Variants in SCRN3 observed in about 807,000 individuals in gnomAD.
SCRN3 encodes the protein secernin 3.
SCRN3 carries 39 observed loss-of-function variants against 43.1 expected under a neutral mutation model. That is an observed-to-expected ratio of 0.91 (90% confidence interval 0.70 to 1.18). SCRN3 has a LOEUF of 1.18. SCRN3 is among the 50% of genes most tolerant of loss of function. The pLI, the probability that SCRN3 is intolerant of heterozygous loss-of-function variation, is 0.00. For synonymous variants in SCRN3, 147 were observed against 163.1 expected, an observed-to-expected ratio of 0.90 and a Z score of 0.75; for missense variants, 484 against 498.0, an observed-to-expected ratio of 0.97 and a Z score of 0.27.
Position 174,398,325 on chromosome 2 carries a change from A to G in SCRN3, c.42A>G (p.Pro14=), listed in dbSNP as rs1685393598. 1 of 1,601,202 alleles carries G rather than the reference A, an allele frequency of 6.2e-7. No homozygotes were observed. The highest frequency in any genetic ancestry group is 8.5e-7 in the Non-Finnish European group (1 of 1,175,600). ...GTGACACTTTCGTGGCATTACCTCC[A>G]GCAACAGTCGATAACAGGATTATTT... ...FSCDTFVALP[P]ATVDNRIIFG... is the part of the protein sequence containing the mutation. The change falls in exon 2 of 8, where the codon CCA becomes CCG. Residue 14 remains proline (P), a synonymous_variant. Transcript: ENST00000272732.
At chr2:174,426,935 C>A (rs1014948996) in intron 7 of SCRN3, among the ~76,000 whole-genome samples, 2 of 151,830 alleles carry the variant, frequency 1.3e-5, no homozygotes, top group Non-Finnish European at 2.9e-5. Context: ...CAGGTTCAAG[C>A]GATTCTCCTG....
Position 174,404,129 on chromosome 2 carries a change from C to A in SCRN3, c.568C>A (p.Leu190Ile). The A allele has an allele frequency of 1.2e-6, 2 of 1,613,612 alleles. No homozygotes were observed. The highest frequency in any genetic ancestry group is 1.7e-6 in the Non-Finnish European group (2 of 1,179,728). The change falls in exon 5 of 8, where the codon CTT (leucine) becomes ATT (isoleucine). Residue 190 changes from leucine (L) to isoleucine (I), a missense_variant. Transcript: ENST00000272732. Reference protein sequence around the residue: ...QEGVRNISNQLSITTKIAREH... With the variant: ...QEGVRNISNQISITTKIAREH... ...GGGAGTTCGTAATATTTCTAATCAA[C>A]TTTCCATAACAACCAAGATTGCCCG...
rs1215684990 is a variant in SCRN3 at position 174,398,306 on chromosome 2, C to T, written c.23C>T (p.Thr8Ile). The change falls in exon 2 of 8, where the codon ACT becomes ATT. Residue 8 changes from threonine (T) to isoleucine (I), a missense_variant. By Grantham distance (89) the Thr-to-Ile change is moderately conservative. Coordinates refer to ENST00000272732, the MANE Select transcript of SCRN3 (RefSeq NM_024583.5). The stretch of plus-strand genomic sequence containing the variant: ...AAAATGGAACCTTTTTCCTGTGACA[C>T]TTTCGTGGCATTACCTCCAGCAACA... Reference protein sequence around the residue: MEPFSCDTFVALPPATVD... With the variant: MEPFSCDIFVALPPATVD... 3 of 1,578,520 alleles carry T rather than the reference C, an allele frequency of 1.9e-6. No individual in the cohort carries two copies. Among genetic ancestry groups the T allele is most frequent in the Middle Eastern group, 1.7e-4 (1 of 5,956 alleles).
chr2:174,399,865 G>A (rs535939378), intron 2 of SCRN3, 57 bp from the exon 3 acceptor site: 1 of 1,229,854 alleles, frequency 8.1e-7, no homozygotes, highest in South Asian at 2.7e-5. Context: ...TCTGGATTTT[G>A]ATAACTTTTC....
At chr2:174,421,225 T>C (rs1406279412) in intron 5 of SCRN3, among the ~76,000 whole-genome samples, 1 of 152,108 alleles carries the variant, frequency 6.6e-6, no homozygotes, top group African/African-American at 2.4e-5. Flanking sequence ...TAGTGAAAAA[T>C]ATCCTCTAAA....
In SCRN3 at chr2:174,404,256, A is replaced by G; in HGVS notation, c.695A>G (p.Lys232Arg). 1 of 1,613,930 alleles carries G rather than the reference A, an allele frequency of 6.2e-7. No homozygotes were observed. The highest frequency in any genetic ancestry group is 1.1e-5 in the South Asian group (1 of 91,078). Residue 232 changes from lysine to arginine, a missense_variant, in exon 5 of 8, where the codon AAG (lysine) becomes AGG (arginine). Physicochemically the swap from Lys to Arg is conservative, Grantham distance 26. Coordinates refer to ENST00000272732, the MANE Select transcript of SCRN3 (RefSeq NM_024583.5). ...GCATATTCCTATCTTGACACAGCCAAGATGATGACTTCATCAGGCAGATAC... is the reference window on the plus strand; with the variant it reads ...GCATATTCCTATCTTGACACAGCCAGGATGATGACTTCATCAGGCAGATAC... Reference protein sequence around the residue: ...AAAYSYLDTAKMMTSSGRYCE... With the variant: ...AAAYSYLDTARMMTSSGRYCE...
At chr2:174,419,896 C>A (rs890108809) in intron 5 of SCRN3, among the ~76,000 whole-genome samples, 26 of 152,252 alleles carry the variant, frequency 1.7e-4, no homozygotes, top group Middle Eastern at 3.4e-3. Context: ...ATTAGACCAA[C>A]TTCCTTCCAG....
chr2:174,412,951 T>G (rs563515050), intron 5 of SCRN3, among the ~76,000 whole-genome samples: 35 of 132,254 alleles, frequency 2.6e-4, no homozygotes, highest in Non-Finnish European at 5.3e-4. Context: ...CACCACAACC[T>G]CTGCCTCCCC....
chr2:174,406,579 G>A, intron 5 of SCRN3, among the ~76,000 whole-genome samples: 1 of 150,714 alleles, frequency 6.6e-6, no homozygotes, highest in Non-Finnish European at 1.5e-5. Context: ...CATTCAGTAT[G>A]ATATTGGCTG....
At chr2:174,429,728 T>C (rs1167276174), downstream of SCRN3, among the ~76,000 whole-genome samples, 1 of 152,172 alleles carries the variant, frequency 6.6e-6, no homozygotes, top group African/African-American at 2.4e-5. Context: ...CATTATAGTA[T>C]TATACAGAGT....
chr2:174,422,885 G>A lies in SCRN3; in HGVS notation c.755G>A (p.Gly252Glu). The stretch of plus-strand genomic sequence containing the variant: ...ATGATTTTAAAAATTATTTCTCTAG[G>A]AAATATAACTTTTGAAACAATGATG... ...EGYKLLNKHK[G>E]NITFETMMEI... The change falls in exon 6 of 8, where the codon GGA (glycine) becomes GAA (glutamate). Residue 252 changes from glycine to glutamate, a missense_variant and splice_region_variant. Gly to Glu is a moderately conservative substitution (Grantham distance 98). Coordinates refer to ENST00000272732, the MANE Select transcript of SCRN3 (RefSeq NM_024583.5). The A allele has an allele frequency of 6.3e-7, 1 of 1,595,860 alleles. No homozygotes were observed. Among genetic ancestry groups the A allele is most frequent in the Non-Finnish European group, 8.6e-7 (1 of 1,164,342 alleles).
intron 5 of SCRN3, among the ~76,000 whole-genome samples, chr2:174,422,569 CAA>C (rs397872881): frequency 8.3e-4 from 90 of 109,052 alleles, no homozygotes; most frequent in Middle Eastern, 4.4e-3. Flanking sequence ...GACTCTGTCT[CAA>C]AAAAAAAAAA....
intron 7 of SCRN3, among the ~76,000 whole-genome samples, chr2:174,426,509 C>T (rs1057199640): frequency 5.9e-5 from 9 of 152,098 alleles, no homozygotes; most frequent in South Asian, 2.1e-4. Context: ...CGGTGGCTCA[C>T]GCCTATAATC....
intron 7 of SCRN3, among the ~76,000 whole-genome samples, chr2:174,425,519 T>G (rs1050718376): frequency 2.0e-5 from 3 of 152,194 alleles, no homozygotes; most frequent in Admixed American, 6.5e-5. Flanking sequence ...TGAAACGGAT[T>G]AAATGAATTT....
chr2:174,396,796 C>CA (rs57053389), intron 1 of SCRN3, among the ~76,000 whole-genome samples: 3,537 of 137,238 alleles, frequency 0.026, 97 homozygotes, highest in African/African-American at 0.068. Context: ...TAAACTCCAT[C>CA]AAAAAAAAAA....
At chr2:174,424,452 T>C in intron 6 of SCRN3, 23 bp from the exon 7 acceptor site, 1 of 1,496,158 alleles carries the variant, frequency 6.7e-7, no homozygotes, top group Non-Finnish European at 9.2e-7. Context: ...ACATGATAAT[T>C]TAATAAAGAC....
chr2:174,410,867 C>A (rs527698368), intron 5 of SCRN3, among the ~76,000 whole-genome samples: 2 of 152,240 alleles, frequency 1.3e-5, no homozygotes, highest in Non-Finnish European at 2.9e-5. Context: ...AAGAGAAAAT[C>A]ACCAGGTACC....
intron 5 of SCRN3, among the ~76,000 whole-genome samples, chr2:174,408,507 A>C (rs1375640337): frequency 6.8e-6 from 1 of 148,056 alleles, no homozygotes; most frequent in East Asian, 2.0e-4. Flanking sequence ...CATTATGATG[A>C]TAGCTGGTGA....
In SCRN3 at chr2:174,422,799, ATAT is replaced by A. The variant is rs1686336793; in HGVS notation, c.755-82_755-80del. 6 of 766,880 alleles carry A rather than the reference ATAT, an allele frequency of 7.8e-6. No individual in the cohort carries two copies. In the Admixed American group the frequency reaches 1.1e-4, roughly 14 times the overall value. 47.5% of individuals were successfully genotyped at this position (766,880 alleles called of 1,614,324 possible). ...ATTTATGTCAAGACTAATATCTCAC[ATAT>A]TATCAGTAGAGAAAGCAGTTCATAT... On this transcript the variant is annotated intron_variant, in intron 5 of 7. Coordinates refer to ENST00000272732, the MANE Select transcript of SCRN3 (RefSeq NM_024583.5).
Sources: allele counts gnomAD v4.1 joint callset (sites outside exome capture counted in the v4.1 genomes callset), GRCh38; gene constraint gnomAD v4.1.1; transcripts MANE v1.5; gene names NCBI Gene and HGNC (gene_info 2026-07-23, HGNC 2026-07-21).